DLG2: variants seen among roughly 807,000 people sequenced by gnomAD.
The protein encoded by DLG2 is disks large homolog 2.
Under a neutral mutation model 132.5 loss-of-function variants are expected in DLG2, and 45 were observed. The observed-to-expected ratio is 0.34, with a 90% CI of 0.27 to 0.44. DLG2 has a LOEUF of 0.44. Ranked by LOEUF, DLG2 falls within the 20% of genes least tolerant of loss-of-function variation. The probability of loss-of-function intolerance (pLI) is 1.00; values close to 1 mark genes in which losing one functional copy is unlikely to be tolerated. For synonymous variants in DLG2, 424 were observed against 419.6 expected (o/e 1.01, Z -0.13); for missense variants, 1,045 against 1,196.9 (o/e 0.87, Z 1.87).
chr11:84,047,522 G>A (rs987422989), intron 11 of DLG2, among the ~76,000 whole-genome samples: 1 of 151,522 alleles, frequency 6.6e-6, no homozygotes, highest in East Asian at 1.9e-4. Flanking sequence ...ACAATTCCAT[G>A]TAGGTAAATA....
chr11:83,596,924 T>C (rs978525365), intron 19 of DLG2, among the ~76,000 whole-genome samples: 3 of 152,172 alleles, frequency 2.0e-5, no homozygotes, highest in Admixed American at 2.0e-4. Context: ...CTCTCTCAGT[T>C]CTCATAGCTT....
intron 6 of DLG2, among the ~76,000 whole-genome samples, chr11:84,624,572 C>G (rs1020653474): frequency 2.0e-5 from 3 of 151,888 alleles, no homozygotes; most frequent in African/African-American, 7.3e-5. Flanking sequence ...TGAGGTCTAT[C>G]AAATCATTAT....
intron 3 of DLG2, among the ~76,000 whole-genome samples, chr11:85,598,235 A>C (rs2079915848): frequency 6.6e-6 from 1 of 152,086 alleles, no homozygotes; most frequent in South Asian, 2.1e-4. Context: ...TTAAGAAGAG[A>C]GTAAAAGTGT....
chr11:84,784,357 TAAA>T (rs1565953408), intron 6 of DLG2, among the ~76,000 whole-genome samples: 6 of 148,558 alleles, frequency 4.0e-5, no homozygotes, highest in African/African-American at 1.2e-4. Context: ...AATAAATAAA[TAAA>T]TAAATAAATT....
chr11:84,893,173 G>T (rs952471418), intron 6 of DLG2, among the ~76,000 whole-genome samples: 8 of 152,058 alleles, frequency 5.3e-5, no homozygotes, highest in African/African-American at 1.7e-4. Context: ...GTCTCACTCC[G>T]ATCTTTCTCT....
intron 19 of DLG2, among the ~76,000 whole-genome samples, chr11:83,597,814 CA>C (rs149668118): frequency 0.018 from 2,734 of 151,916 alleles, 107 homozygotes; most frequent in African/African-American, 0.063. Flanking sequence ...AACAAACAAA[CA>C]AACACAAAAA....
intron 3 of DLG2, among the ~76,000 whole-genome samples, chr11:85,527,317 G>A (rs530730958): frequency 6.6e-6 from 1 of 152,006 alleles, no homozygotes; most frequent in African/African-American, 2.4e-5. Context: ...ACATGCATTA[G>A]GTCTTTGTCC....
chr11:83,472,833 C>G lies in DLG2; in HGVS notation c.2294-56G>C, dbSNP rs904680456. 2.6e-5 allele frequency: 38 copies of G among 1,441,210 alleles called. No individual in the cohort carries two copies. In the Middle Eastern group the frequency reaches 6.9e-4, roughly 26 times the overall value. 89.3% of individuals were successfully genotyped at this position (1,441,210 alleles called of 1,614,324 possible). A position where few individuals can be genotyped will look rare whatever the true frequency, so the allele number is the denominator to read the frequency against. On this transcript the variant is annotated intron_variant, in intron 22 of 27. Transcript: ENST00000376104. Reference sequence around the variant, plus strand: ...AACTAACAGTCATATATTACAGAGACAAGCCCTGCTCTGAAACACAGGAAA... The same window carrying G: ...AACTAACAGTCATATATTACAGAGAGAAGCCCTGCTCTGAAACACAGGAAA...
chr11:85,247,427 G>C (rs2076191971), intron 4 of DLG2, among the ~76,000 whole-genome samples: 1 of 151,846 alleles, frequency 6.6e-6, no homozygotes, highest in African/African-American at 2.4e-5. Context: ...TTCTCAGTGA[G>C]TCCTTCCTGG....
chr11:83,715,034 G>A (rs2086364251), intron 18 of DLG2, among the ~76,000 whole-genome samples: 1 of 152,124 alleles, frequency 6.6e-6, no homozygotes, highest in Non-Finnish European at 1.5e-5. Flanking sequence ...TGATAGACTG[G>A]ATAAAGAAAA....
At chr11:83,691,688 AC>A (rs1161041560) in intron 18 of DLG2, among the ~76,000 whole-genome samples, 2 of 152,052 alleles carry the variant, frequency 1.3e-5, no homozygotes, top group African/African-American at 4.8e-5. Flanking sequence ...GATAGAAGAT[AC>A]TCTGCATATG....
intron 6 of DLG2, among the ~76,000 whole-genome samples, chr11:84,802,778 G>T (rs1198456162): frequency 6.6e-6 from 1 of 152,012 alleles, no homozygotes; most frequent in African/African-American, 2.4e-5. Context: ...TACGCTCTTT[G>T]TTTCTTTTTC....
At chr11:85,302,344 T>G (rs1202426551) in intron 3 of DLG2, among the ~76,000 whole-genome samples, 1 of 152,194 alleles carries the variant, frequency 6.6e-6, no homozygotes, top group Non-Finnish European at 1.5e-5. Context: ...TTGTTATTAA[T>G]CAAAGTATTA....
intron 3 of DLG2, among the ~76,000 whole-genome samples, chr11:85,538,113 C>T (rs1185893504): frequency 1.2e-4 from 18 of 151,626 alleles, no homozygotes; most frequent in Admixed American, 1.2e-3. Context: ...GAGACTCCGT[C>T]TCAAAAAATA....
intron 21 of DLG2, among the ~76,000 whole-genome samples, chr11:83,500,705 AATTT>A: frequency 1.3e-5 from 2 of 151,846 alleles, no homozygotes; most frequent in South Asian, 4.2e-4. Context: ...TTTATTAATA[AATTT>A]ATTTATTGAA....
At chr11:85,596,564 G>A (rs765473231) in intron 3 of DLG2, among the ~76,000 whole-genome samples, 6 of 151,988 alleles carry the variant, frequency 3.9e-5, no homozygotes, top group African/African-American at 1.5e-4. Context: ...AGAGTCGTGC[G>A]AGGTACTATT....
intron 6 of DLG2, among the ~76,000 whole-genome samples, chr11:84,556,259 G>T (rs552879390): frequency 6.6e-6 from 1 of 152,236 alleles, no homozygotes; most frequent in South Asian, 2.1e-4. Flanking sequence ...TGAGATTGGG[G>T]CCTAGTGGAC....
intron 6 of DLG2, among the ~76,000 whole-genome samples, chr11:85,043,698 G>C (rs902730048): frequency 4.6e-5 from 7 of 151,744 alleles, no homozygotes; most frequent in Non-Finnish European, 5.9e-5. Flanking sequence ...CAGAAAAATT[G>C]TTTTTAATGA....
At chr11:83,838,590 G>T (rs542778317) in intron 16 of DLG2, among the ~76,000 whole-genome samples, 1 of 152,286 alleles carries the variant, frequency 6.6e-6, no homozygotes, top group African/African-American at 2.4e-5. Context: ...TGAATTAGCT[G>T]CCCAAGTTTA....
Sources: allele counts gnomAD v4.1 joint callset (sites outside exome capture counted in the v4.1 genomes callset), GRCh38; gene constraint gnomAD v4.1.1; transcripts MANE v1.5; gene names NCBI Gene and HGNC (gene_info 2026-07-23, HGNC 2026-07-21).